Variants in SPINK5 observed in about 807,000 individuals in gnomAD.
SPINK5 encodes serine protease inhibitor Kazal-type 5.
In SPINK5, 125 loss-of-function variants were observed where a neutral mutation model predicts 151.8. The ratio of observed to expected loss-of-function variants is 0.82; its 90% CI spans 0.71 to 0.96. The LOEUF is 0.96. Among genes scored for constraint, SPINK5 ranks in the 40% least tolerant of loss-of-function variants. The pLI, the probability that SPINK5 is intolerant of heterozygous loss-of-function variation, is 0.00. For missense variants in SPINK5, 1,194 were observed against 1,291.9 expected, an observed-to-expected ratio of 0.92 and a Z score of 1.16; for synonymous variants, 374 against 395.3, an observed-to-expected ratio of 0.95 and a Z score of 0.64.
At chr5:148,118,916 G>A in intron 23 of SPINK5, 70 bp from the exon 24 acceptor site, 1 of 1,483,870 alleles carries the variant, frequency 6.7e-7, no homozygotes, top group Non-Finnish European at 9.4e-7. Flanking sequence ...ATTTGCACGG[G>A]ACACACTTAG....
At chr5:148,103,177 G>A (rs1409842415) in intron 15 of SPINK5, among the ~76,000 whole-genome samples, 5 of 152,062 alleles carry the variant, frequency 3.3e-5, no homozygotes, top group Non-Finnish European at 7.4e-5. Flanking sequence ...CACAACAAAC[G>A]TTTGTTGAAC....
intron 10 of SPINK5, among the ~76,000 whole-genome samples, chr5:148,097,564 A>G (rs1753502441): frequency 6.6e-6 from 1 of 151,962 alleles, no homozygotes; most frequent in Non-Finnish European, 1.5e-5. Context: ...GTACACACTT[A>G]ATTCAGACTA....
intron 2 of SPINK5, among the ~76,000 whole-genome samples, chr5:148,069,424 A>G (rs973574194): frequency 7.1e-6 from 1 of 140,376 alleles, no homozygotes; most frequent in African/African-American, 2.7e-5. Flanking sequence ...AAACAAACAT[A>G]GTAGGATTTT....
chr5:148,132,291 C>A (rs923605653), intron 31 of SPINK5, among the ~76,000 whole-genome samples: 16 of 152,138 alleles, frequency 1.1e-4, no homozygotes, highest in African/African-American at 3.6e-4. Context: ...CCCAGACCTA[C>A]ATTGTAGTAC....
chr5:148,131,471 T>A (rs1333258487), intron 31 of SPINK5, 82 bp downstream of exon 31: 2 of 1,584,196 alleles, frequency 1.3e-6, no homozygotes, highest in African/African-American at 1.3e-5. Flanking sequence ...TGCACTGATA[T>A]AAATTCGAAA....
intron 31 of SPINK5, among the ~76,000 whole-genome samples, chr5:148,132,670 G>A (rs531007217): frequency 6.6e-6 from 1 of 152,066 alleles, no homozygotes; most frequent in Admixed American, 6.6e-5. Context: ...TCTAAATACA[G>A]TTTTCTTTTT....
chr5:148,095,703 A>G (rs1753436474), intron 9 of SPINK5, 115 bp from the exon 10 acceptor site: 1 of 847,910 alleles, frequency 1.2e-6, no homozygotes, highest in South Asian at 1.4e-5. Flanking sequence ...AGGTGTTTTT[A>G]AAGTGTTTGT....
In SPINK5 at chr5:148,089,663, T is replaced by G. The variant is rs1324322453; in HGVS notation, c.602+42T>G. Reference sequence around the variant, plus strand: ...CCAGGTGGACTTGATGATGATGCACTTGGTTGCTGTCCCGAGAATCACTCA... The same window carrying G: ...CCAGGTGGACTTGATGATGATGCACGTGGTTGCTGTCCCGAGAATCACTCA... On this transcript the variant is annotated intron_variant, in intron 7 of 32. Transcript: ENST00000256084. The G allele has an allele frequency of 2.5e-6, 4 of 1,610,654 alleles. No individual in the cohort carries two copies. In the African/African-American group the frequency reaches 5.4e-5, roughly 22 times the overall value.
In SPINK5 at chr5:148,101,840, G is replaced by C. The variant is rs749710976; in HGVS notation, c.1362G>C (p.Glu454Asp). Residue 454 changes from glutamate (E) to aspartate (D), a missense_variant, in exon 15 of 33, where the codon GAG becomes GAC. Transcript: ENST00000256084. ...ACGGACGGCTTTTTTGCACCAGAGA[G>C]AATGACCCCATCCAGGGCCCAGATG... Reference protein sequence around the residue: ...RKNGRLFCTRENDPIQGPDGK... With the variant: ...RKNGRLFCTRDNDPIQGPDGK... The C allele has an allele frequency of 4.3e-6, 7 of 1,613,828 alleles. No homozygotes were observed. The South Asian group carries it at 5.5e-5, about 13-fold the overall frequency.
chr5:148,071,598 G>A (rs1053245831), intron 3 of SPINK5, among the ~76,000 whole-genome samples: 2 of 151,954 alleles, frequency 1.3e-5, no homozygotes, highest in African/African-American at 4.8e-5. Flanking sequence ...TGCCTTAAGA[G>A]TCTAAAGACA....
chr5:148,122,454 T>C (rs1455659767), intron 26 of SPINK5, among the ~76,000 whole-genome samples: 1 of 152,206 alleles, frequency 6.6e-6, no homozygotes, highest in South Asian at 2.1e-4. Context: ...ACTGTGTTAT[T>C]TTTTAAGGTA....
intron 16 of SPINK5, among the ~76,000 whole-genome samples, chr5:148,105,919 C>A (rs141624292): frequency 8.2e-4 from 124 of 151,856 alleles, no homozygotes; most frequent in African/African-American, 3.0e-3. Context: ...CCACTGCACC[C>A]GGCCTGTTTA....
chr5:148,093,337 T>C (rs1208401480), intron 8 of SPINK5, among the ~76,000 whole-genome samples: 2 of 151,898 alleles, frequency 1.3e-5, no homozygotes, highest in East Asian at 1.9e-4. Context: ...AACAAATCTT[T>C]CTTGGATTTT....
At chr5:148,122,857 C>T (rs113217439) in intron 26 of SPINK5, among the ~76,000 whole-genome samples, 2,836 of 134,000 alleles carry the variant, frequency 0.021, 87 homozygotes, top group African/African-American at 0.075. Context: ...TAAAGCACCT[C>T]GCACAATAAT....
chr5:148,065,548 CACACA>C, intron 2 of SPINK5, 176 bp downstream of exon 2: 1 of 55,002 alleles, frequency 1.8e-5, no homozygotes, highest in East Asian at 3.3e-3. Context: ...CTCTCTCTCA[CACACA>C]CACACACACA....
intron 17 of SPINK5, among the ~76,000 whole-genome samples, chr5:148,107,936 G>A (rs1184957467): frequency 6.6e-6 from 1 of 152,138 alleles, no homozygotes; most frequent in Non-Finnish European, 1.5e-5. Flanking sequence ...AATAATACCT[G>A]CTGAGGTGCA....
In SPINK5 at chr5:148,100,490, G is replaced by A. The variant is rs376109480; in HGVS notation, c.1129G>A (p.Gly377Arg). 184 of 1,612,806 alleles carry A rather than the reference G, an allele frequency of 1.1e-4. No homozygotes were observed. Among genetic ancestry groups the A allele is most frequent in the South Asian group, 1.5e-4 (14 of 91,058 alleles). Residue 377 changes from glycine to arginine, a missense_variant, in exon 13 of 33, where the codon GGA (glycine) becomes AGA (arginine). Gly to Arg is a moderately radical substitution (Grantham distance 125). Transcript: ENST00000256084. Reference sequence around the variant, plus strand: ...TGAATATCGAAAGCTTGTGAGGAACGGAAAACTTGCTTGCACCAGAGAGAA... The same window carrying A: ...TGAATATCGAAAGCTTGTGAGGAACAGAAAACTTGCTTGCACCAGAGAGAA... ...CSEYRKLVRNGKLACTRENDP... is the reference protein window; with the variant it reads ...CSEYRKLVRNRKLACTRENDP...
At chr5:148,113,795 A>G (rs1344183848) in intron 20 of SPINK5, among the ~76,000 whole-genome samples, 1 of 152,232 alleles carries the variant, frequency 6.6e-6, no homozygotes. Flanking sequence ...TTCAACATCT[A>G]CAAGAGAAAA....
At chr5:148,120,189 C>A (rs1754216521) in intron 25 of SPINK5, 53 bp downstream of exon 25, 1 of 1,613,414 alleles carries the variant, frequency 6.2e-7, no homozygotes, top group African/African-American at 1.3e-5. Flanking sequence ...GTACAATAAT[C>A]ATTTCTTACC....
Sources: allele counts gnomAD v4.1 joint callset (sites outside exome capture counted in the v4.1 genomes callset), GRCh38; gene constraint gnomAD v4.1.1; transcripts MANE v1.5; gene names NCBI Gene and HGNC (gene_info 2026-07-23, HGNC 2026-07-21).